Variants in ANKHD1 observed in about 807,000 individuals in gnomAD.
The protein encoded by ANKHD1 is ankyrin repeat and KH domain-containing protein 1.
Under a neutral mutation model 230.5 loss-of-function variants are expected in ANKHD1, and 31 were observed. The ratio of observed to expected loss-of-function variants is 0.13; its 90% confidence interval spans 0.10 to 0.18. The LOEUF is 0.18. ANKHD1 is among the 10% of genes least tolerant of loss of function. The pLI, the probability that ANKHD1 is intolerant of heterozygous loss-of-function variation, is 1.00. For missense variants in ANKHD1, 2,256 were observed against 3,071.3 expected (o/e 0.73, Z 6.27); for synonymous variants, 1,074 against 1,117.6 (o/e 0.96, Z 0.78).
intron 2 of ANKHD1, among the ~76,000 whole-genome samples, chr5:140,436,881 A>G (rs1180744565): frequency 6.6e-6 from 1 of 152,204 alleles, no homozygotes; most frequent in Admixed American, 6.5e-5. Flanking sequence ...AGGGAGCTGC[A>G]TGTTGATTAC....
intron 24 of ANKHD1, among the ~76,000 whole-genome samples, chr5:140,514,065 A>G (rs763364027): frequency 3.3e-5 from 5 of 151,768 alleles, no homozygotes; most frequent in Non-Finnish European, 7.4e-5. Context: ...CATGCCTGCA[A>G]TCCTAGCTAT....
chr5:140,533,670 G>A (rs946607923), intron 29 of ANKHD1, among the ~76,000 whole-genome samples: 3 of 151,320 alleles, frequency 2.0e-5, no homozygotes, highest in African/African-American at 7.3e-5. Context: ...GCTACTCAGC[G>A]GGGCTAGGCA....
chr5:140,508,135 T>C (rs1320827166), intron 20 of ANKHD1, 137 bp downstream of exon 20: 1 of 1,183,322 alleles, frequency 8.5e-7, no homozygotes, highest in Non-Finnish European at 1.1e-6. Context: ...GGGATTATGC[T>C]GTATAATAGT....
chr5:140,524,353 T>A, intron 25 of ANKHD1, 113 bp downstream of exon 25: 2 of 1,398,968 alleles, frequency 1.4e-6, no homozygotes, highest in Non-Finnish European at 1.9e-6. Context: ...ACTTTATTAA[T>A]CTGAAATGGA....
intron 24 of ANKHD1, among the ~76,000 whole-genome samples, chr5:140,513,823 A>G (rs1752867468): frequency 7.5e-6 from 1 of 132,858 alleles, no homozygotes; most frequent in Admixed American, 7.6e-5. Flanking sequence ...AAAAAAAAAA[A>G]GAAAGAAATT....
At chr5:140,469,822 G>A (rs1329411503) in intron 10 of ANKHD1, among the ~76,000 whole-genome samples, 1 of 150,746 alleles carries the variant, frequency 6.6e-6, no homozygotes, top group East Asian at 1.9e-4. Flanking sequence ...ATATATATGT[G>A]TATATATGTA....
intron 10 of ANKHD1, among the ~76,000 whole-genome samples, chr5:140,473,190 A>G (rs775800796): frequency 6.6e-6 from 1 of 151,454 alleles, no homozygotes; most frequent in Non-Finnish European, 1.5e-5. Flanking sequence ...CACCGTGCCT[A>G]CCTAATTTTT....
At chr5:140,499,136 C>T (rs1477199524) in intron 15 of ANKHD1, among the ~76,000 whole-genome samples, 1 of 151,856 alleles carries the variant, frequency 6.6e-6, no homozygotes, top group Non-Finnish European at 1.5e-5. Flanking sequence ...GTAAAAACTT[C>T]CATTTTTGTG....
chr5:140,435,154 G>A (rs533820659), intron 1 of ANKHD1, among the ~76,000 whole-genome samples: 2 of 152,232 alleles, frequency 1.3e-5, no homozygotes, highest in African/African-American at 4.8e-5. Context: ...GAGTGTTCCT[G>A]TCTAAAGGTC....
chr5:140,536,133 G>T (rs1345041495), intron 30 of ANKHD1, among the ~76,000 whole-genome samples: 2 of 152,110 alleles, frequency 1.3e-5, no homozygotes, highest in Admixed American at 1.3e-4. Context: ...TCGCTCTGTT[G>T]CCCTGGCTGG....
chr5:140,417,974 G>T (rs1771543380), intron 1 of ANKHD1, among the ~76,000 whole-genome samples: 1 of 151,180 alleles, frequency 6.6e-6, no homozygotes, highest in Non-Finnish European at 1.5e-5. Flanking sequence ...CGAGTAGCTG[G>T]GATTACAGGT....
intron 15 of ANKHD1, among the ~76,000 whole-genome samples, chr5:140,502,486 T>C (rs561753033): frequency 6.6e-6 from 1 of 152,284 alleles, no homozygotes; most frequent in Non-Finnish European, 1.5e-5. Context: ...AGCACTCTAA[T>C]CAACTATTCA....
Position 140,440,448 on chromosome 5 carries a change from A to C in ANKHD1, c.765+182A>C, listed in dbSNP as rs751755727. Reference sequence around the variant, plus strand: ...ACACAGTTTATTTTGTTGCCGGTACATGTAACTGAGAATGATCCATTTTTC... The same window carrying C: ...ACACAGTTTATTTTGTTGCCGGTACCTGTAACTGAGAATGATCCATTTTTC... On this transcript the variant is annotated intron_variant, in intron 4 of 33. Coordinates refer to ENST00000360839, the MANE Select transcript of ANKHD1 (RefSeq NM_017747.3). Among the ~76,000 whole-genome samples, 3 of 152,220 alleles carry C rather than the reference A, an allele frequency of 2.0e-5. No homozygotes were observed. In the South Asian group the frequency reaches 6.2e-4, roughly 31 times the overall value.
At chr5:140,484,912 G>A in intron 11 of ANKHD1, 8 of 689,318 alleles carry the variant, frequency 1.2e-5, no homozygotes, top group Non-Finnish European at 1.6e-5. Context: ...TGGGGCTTTT[G>A]GTATGTGGAT....
chr5:140,491,554 G>C (rs772367532), intron 14 of ANKHD1, among the ~76,000 whole-genome samples: 1 of 152,016 alleles, frequency 6.6e-6, no homozygotes, highest in African/African-American at 2.4e-5. Context: ...CTGTTTTTAA[G>C]ATTTATCCAC....
Position 140,538,767 on chromosome 5 carries a change from T to A in ANKHD1, c.7405-152T>A. 3 of 955,824 alleles carry A rather than the reference T, an allele frequency of 3.1e-6. No individual in the cohort carries two copies. The Admixed American group carries it at 1.2e-4, about 40-fold the overall frequency. The allele number at this position is 955,824 out of a possible 1,614,324, so 59.2% of individuals were successfully genotyped here. A position where few individuals can be genotyped will look rare whatever the true frequency, so the allele number is the denominator to read the frequency against. ...TTTGCAGATGCAGATAAACATTTTG[T>A]TTTCTCAACACTGCCATACTGTACT... On this transcript the variant is annotated intron_variant, in intron 32 of 33. Coordinates refer to ENST00000360839, the MANE Select transcript of ANKHD1 (RefSeq NM_017747.3).
At chr5:140,440,065 T>C (rs1212806436) in intron 3 of ANKHD1, 54 bp from the exon 4 acceptor site, 44 of 1,475,956 alleles carry the variant, frequency 3.0e-5, no homozygotes, top group Non-Finnish European at 3.8e-5. Context: ...TAATTTATCA[T>C]AGGACCCCCG....
chr5:140,463,220 C>A (rs1775846330), intron 9 of ANKHD1, among the ~76,000 whole-genome samples: 1 of 152,068 alleles, frequency 6.6e-6, no homozygotes, highest in Admixed American at 6.5e-5. Context: ...GCCTTTACTT[C>A]ATCACGGTCA....
chr5:140,443,518 G>C (rs138825508), intron 5 of ANKHD1, among the ~76,000 whole-genome samples: 1 of 151,646 alleles, frequency 6.6e-6, no homozygotes, highest in African/African-American at 2.4e-5. Flanking sequence ...GTGAAACCCC[G>C]TCTCTACTAA....
Sources: allele counts gnomAD v4.1 joint callset (sites outside exome capture counted in the v4.1 genomes callset), GRCh38; gene constraint gnomAD v4.1.1; transcripts MANE v1.5; gene names NCBI Gene and HGNC (gene_info 2026-07-23, HGNC 2026-07-21).